Variants in TRIM9 observed in about 807,000 individuals in gnomAD.
The protein encoded by TRIM9 is tripartite motif containing 9.
A neutral mutation model predicts 78.3 loss-of-function variants in TRIM9; 26 were observed. The observed-to-expected ratio is 0.33, with a 90% CI of 0.24 to 0.46. The LOEUF (loss-of-function observed/expected upper bound fraction) is 0.46. Among genes scored for constraint, TRIM9 ranks in the 20% least tolerant of loss-of-function variants. The probability of loss-of-function intolerance (pLI) is 1.00; values close to 1 mark genes in which losing one functional copy is unlikely to be tolerated. For synonymous variants in TRIM9, 398 were observed against 416.5 expected, an observed-to-expected ratio of 0.96 and a Z score of 0.54; for missense variants, 787 against 1,036.4, an observed-to-expected ratio of 0.76 and a Z score of 3.30.
At chr14:50,977,531 C>T (rs1244973430) in intron 12 of TRIM9, among the ~76,000 whole-genome samples, 178 bp from the exon 13 acceptor site, 4 of 152,288 alleles carry the variant, frequency 2.6e-5, no homozygotes, top group South Asian at 4.1e-4. Flanking sequence ...ACAGGCTGCT[C>T]ACCATGGTGG....
chr14:50,997,822 G>C (rs188312858), intron 7 of TRIM9: 8 of 1,378,954 alleles, frequency 5.8e-6, no homozygotes, highest in Non-Finnish European at 7.5e-6. Context: ...AAAGGAAGCC[G>C]CCGGCCCAAG....
chr14:51,071,699 A>T (rs1323282246), intron 1 of TRIM9, among the ~76,000 whole-genome samples: 1 of 152,086 alleles, frequency 6.6e-6, no homozygotes, highest in Admixed American at 6.6e-5. Context: ...CCAGCTACTC[A>T]GGAGGCTGAG....
intron 7 of TRIM9, among the ~76,000 whole-genome samples, chr14:50,992,202 G>C (rs2053601163): frequency 6.6e-6 from 1 of 152,190 alleles, no homozygotes; most frequent in African/African-American, 2.4e-5. Flanking sequence ...CAGGTTCTTT[G>C]TTCCTCACAA....
chr14:51,044,892 G>A (rs1555343207), intron 1 of TRIM9, among the ~76,000 whole-genome samples: 1 of 151,910 alleles, frequency 6.6e-6, no homozygotes, highest in Non-Finnish European at 1.5e-5. Context: ...TTTTTGTTTT[G>A]TTTTTTTCTT....
At chr14:50,981,713 G>A (rs561863642) in intron 11 of TRIM9, 87 bp downstream of exon 11, 3 of 1,533,632 alleles carry the variant, frequency 2.0e-6, no homozygotes, top group East Asian at 2.3e-5. Context: ...CCTGAATGTG[G>A]TCTATGTAAT....
intron 10 of TRIM9, chr14:50,982,350 T>A (rs990169630): frequency 3.7e-6 from 2 of 545,704 alleles, no homozygotes; most frequent in Non-Finnish European, 6.6e-6. Context: ...CCCAACCAGG[T>A]GATCCGGGAG....
chr14:51,053,529 T>TA (rs1491201786), intron 1 of TRIM9, among the ~76,000 whole-genome samples: 1 of 110,026 alleles, frequency 9.1e-6, no homozygotes, highest in African/African-American at 3.5e-5. Flanking sequence ...TTTTTTTTTT[T>TA]ATGCGTTAAC....
chr14:51,028,284 A>G (rs761483517), intron 1 of TRIM9, among the ~76,000 whole-genome samples: 9 of 152,236 alleles, frequency 5.9e-5, no homozygotes, highest in Non-Finnish European at 1.2e-4. Context: ...AAGATCTAGA[A>G]ATCATTCTCT....
intron 7 of TRIM9, among the ~76,000 whole-genome samples, chr14:50,992,445 T>A (rs2053642604): frequency 6.7e-6 from 1 of 149,550 alleles, no homozygotes; most frequent in Non-Finnish European, 1.5e-5. Flanking sequence ...TGTGGTGGCA[T>A]GCCTATAGAG....
Position 51,094,178 on chromosome 14 carries a change from C to G in TRIM9, c.762G>C (p.Glu254Asp). The G allele has an allele frequency of 6.2e-7, 1 of 1,614,254 alleles. No homozygotes were observed. Among genetic ancestry groups the G allele is most frequent in the Non-Finnish European group, 8.5e-7 (1 of 1,180,040 alleles). Residue 254 changes from glutamate to aspartate, a missense_variant, in exon 1 of 13, where the codon GAG (glutamate) becomes GAC (aspartate). Coordinates refer to ENST00000684578, the MANE Select transcript of TRIM9 (RefSeq NM_001387360.1). Reference protein sequence around the residue: ...CKMPVCYQCLEEGKHSSHEVK... With the variant: ...CKMPVCYQCLDEGKHSSHEVK... ...CTTCGTGGCTGGAGTGTTTGCCCTC[C>G]TCCAAGCACTGGTAGCACACGGGCA...
chr14:51,017,258 A>C (rs1009695023), intron 3 of TRIM9, among the ~76,000 whole-genome samples: 7 of 152,218 alleles, frequency 4.6e-5, no homozygotes, highest in Admixed American at 6.5e-5. Context: ...CTTCTATACT[A>C]ATGTTATTAA....
intron 1 of TRIM9, among the ~76,000 whole-genome samples, chr14:51,066,895 T>G (rs2061791756): frequency 6.6e-6 from 1 of 152,210 alleles, no homozygotes; most frequent in Admixed American, 6.5e-5. Context: ...AAAAGTATAC[T>G]CTTAAATTAG....
chr14:51,044,044 C>T (rs1471033644), intron 1 of TRIM9, among the ~76,000 whole-genome samples: 1 of 152,018 alleles, frequency 6.6e-6, no homozygotes, highest in Non-Finnish European at 1.5e-5. Flanking sequence ...GTGTTCTGTC[C>T]ATGATGAAAT....
chr14:50,985,989 A>G lies in TRIM9; in HGVS notation c.1759T>C (p.Leu587=), dbSNP rs1201956874. The G allele has an allele frequency of 1.3e-6, 2 of 1,547,416 alleles. No individual in the cohort carries two copies. Among genetic ancestry groups the G allele is most frequent in the African/African-American group, 2.7e-5 (2 of 73,074 alleles). ...TTGAGAGACTGTAAAGAGGAATGCA[A>G]GCTCAGCTGGTGGGGTGAGGATCGG... The part of the protein sequence containing the change: ...DFRSSPHQLS[L]HSSLQSLNAP... The change falls in exon 8 of 13, where the codon TTG becomes CTG. Residue 587 remains leucine, a synonymous_variant. Coordinates refer to ENST00000684578, the MANE Select transcript of TRIM9 (RefSeq NM_001387360.1).
At chr14:51,010,606 G>T in intron 3 of TRIM9, 112 bp from the exon 4 acceptor site, 1 of 742,432 alleles carries the variant, frequency 1.3e-6, no homozygotes, top group South Asian at 1.7e-5. Flanking sequence ...ATTCTGGAAT[G>T]GAACTAAATT....
chr14:51,019,333 C>G (rs1251163630), intron 3 of TRIM9, among the ~76,000 whole-genome samples: 1 of 152,230 alleles, frequency 6.6e-6, no homozygotes, highest in African/African-American at 2.4e-5. Flanking sequence ...CATTAGTTCA[C>G]CACATTCTGA....
At chr14:51,022,747 A>C in intron 3 of TRIM9, 88 bp downstream of exon 3, 3 of 1,567,814 alleles carry the variant, frequency 1.9e-6, no homozygotes, top group Middle Eastern at 4.1e-4. Flanking sequence ...CCTCCTGTCC[A>C]TGGGAAGGAA....
At position 50,975,319 on chromosome 14, in the gene TRIM9, A is replaced by G. The variant is rs2051015001; in HGVS notation, c.*1972T>C. The G allele has an allele frequency of 6.5e-6, 1 of 152,680 alleles. No individual in the cohort carries two copies. Among genetic ancestry groups the G allele is most frequent in the Non-Finnish European group, 1.5e-5 (1 of 68,038 alleles). The allele number at this position is 152,680 out of a possible 1,614,324, so 9.5% of individuals were successfully genotyped here. A position where few individuals can be genotyped will look rare whatever the true frequency, so the allele number is the denominator to read the frequency against. On this transcript the variant is annotated 3_prime_UTR_variant, in exon 13 of 13. Transcript: ENST00000684578. The stretch of plus-strand genomic sequence containing the variant: ...ATCAGAAATGACAATTTTTTCTAGT[A>G]TAGTAGTTGTATGCATCTGTAATTG...
At chr14:50,980,424 T>C (rs112835619) in intron 11 of TRIM9, among the ~76,000 whole-genome samples, 114 of 152,342 alleles carry the variant, frequency 7.5e-4, no homozygotes, top group African/African-American at 2.7e-3. Flanking sequence ...AGCACAGGAA[T>C]TTGTGTCATT....
Sources: gnomAD v4.1 joint callset for allele counts (sites outside exome capture counted in the v4.1 genomes callset) on GRCh38, gnomAD v4.1.1 for gene constraint, MANE v1.5 for transcripts, NCBI Gene and HGNC (gene_info 2026-07-23, HGNC 2026-07-21) for gene names.